WWOX: variants seen among roughly 807,000 people sequenced by gnomAD.
WWOX encodes the protein WW domain containing oxidoreductase.
WWOX carries 69 observed loss-of-function variants against 46.2 expected under a neutral mutation model. The ratio of observed to expected loss-of-function variants is 1.49; its 90% confidence interval spans 1.23 to 1.82. The LOEUF is 1.82. Ranked by LOEUF, WWOX falls within the 40% of genes most tolerant of loss-of-function variation. The pLI is 0.00. For synonymous variants in WWOX, 359 were observed against 202.6 expected, an observed-to-expected ratio of 1.77 and a Z score of -6.56; for missense variants, 919 against 542.6, an observed-to-expected ratio of 1.69 and a Z score of -6.89.
chr16:78,155,278 G>T (rs1399614914), intron 4 of WWOX, among the ~76,000 whole-genome samples: 1 of 151,832 alleles, frequency 6.6e-6, no homozygotes, highest in Non-Finnish European at 1.5e-5. Flanking sequence ...AAGGGAAAGG[G>T]AAGGAAGGAA....
rs149814498 is a variant in WWOX, at chr16:78,680,591, A to C, written c.1056+247839A>C. On this transcript the variant is annotated intron_variant, in intron 8 of 8. Coordinates refer to ENST00000566780, the MANE Select transcript of WWOX (RefSeq NM_016373.4). ...TCCAATACTTGAAGGTAGCCAGTGG[A>C]CACGTGGGGCCATTTCAAGCTAAAT... Among the ~76,000 whole-genome samples, 610 of 152,322 alleles carry C rather than the reference A, an allele frequency of 4.0e-3. 2 individuals carry two copies. The highest frequency in any genetic ancestry group is 0.014 in the African/African-American group (571 of 41,588).
At chr16:78,159,672 G>GTTTTTTTT (rs35468343) in intron 4 of WWOX, among the ~76,000 whole-genome samples, 350 of 55,242 alleles carry the variant, frequency 6.3e-3, no homozygotes, top group East Asian at 0.01. Flanking sequence ...AAAATCTGTG[G>GTTTTTTTT]TTTTTTTTTT....
intron 8 of WWOX, among the ~76,000 whole-genome samples, chr16:78,961,808 C>G (rs2046276163): frequency 6.6e-6 from 1 of 152,086 alleles, no homozygotes; most frequent in South Asian, 2.1e-4. Context: ...TCTTGCTGTC[C>G]TGAATCTTAA....
At chr16:78,455,580 C>G (rs1014458664) in intron 8 of WWOX, among the ~76,000 whole-genome samples, 4 of 130,548 alleles carry the variant, frequency 3.1e-5, no homozygotes, top group Admixed American at 2.7e-4. Context: ...GAGTAGGAGG[C>G]TGCAGTAAGC....
intron 6 of WWOX, among the ~76,000 whole-genome samples, chr16:78,414,641 G>A (rs184754471): frequency 6.6e-6 from 1 of 152,334 alleles, no homozygotes; most frequent in East Asian, 1.9e-4. Context: ...CAACAGTGAT[G>A]TTATCTGCAT....
chr16:78,569,405 A>G (rs2044658071), intron 8 of WWOX, among the ~76,000 whole-genome samples: 1 of 152,216 alleles, frequency 6.6e-6, no homozygotes, highest in Admixed American at 6.5e-5. Context: ...TGTATTATAC[A>G]TTTCAGTTGG....
At chr16:78,104,502 T>TA (rs1403796796) in intron 1 of WWOX, among the ~76,000 whole-genome samples, 3 of 151,354 alleles carry the variant, frequency 2.0e-5, no homozygotes, top group Non-Finnish European at 4.4e-5. Context: ...AGACCTTGTC[T>TA]AAAAAAAAAT....
chr16:78,189,523 A>T (rs931317597), intron 5 of WWOX, among the ~76,000 whole-genome samples: 1 of 152,264 alleles, frequency 6.6e-6, no homozygotes, highest in African/African-American at 2.4e-5. Context: ...AACCACACAG[A>T]GGGCATATAC....
intron 4 of WWOX, among the ~76,000 whole-genome samples, chr16:78,130,424 G>T (rs188789469): frequency 6.6e-6 from 1 of 152,280 alleles, no homozygotes; most frequent in East Asian, 1.9e-4. Flanking sequence ...CTTGACCTTG[G>T]ACTTTAAGCC....
chr16:78,737,070 C>T (rs930119537), intron 8 of WWOX, among the ~76,000 whole-genome samples: 1 of 151,684 alleles, frequency 6.6e-6, no homozygotes, highest in Non-Finnish European at 1.5e-5. Flanking sequence ...TTTGGTCGTT[C>T]CTTGCTCATC....
intron 7 of WWOX, 118 bp downstream of exon 7, chr16:78,425,173 C>T (rs2083047437): frequency 1.9e-5 from 25 of 1,332,996 alleles, no homozygotes. Context: ...TGTGGGTGGA[C>T]TCAGCTTGGC....
intron 8 of WWOX, among the ~76,000 whole-genome samples, chr16:78,971,596 C>T (rs2046471765): frequency 6.6e-6 from 1 of 151,884 alleles, no homozygotes; most frequent in Admixed American, 6.6e-5. Context: ...CCCAGAAGAG[C>T]ATAAGAAAAA....
At chr16:78,380,534 A>C (rs894816194) in intron 5 of WWOX, among the ~76,000 whole-genome samples, 3 of 151,982 alleles carry the variant, frequency 2.0e-5, no homozygotes, top group Non-Finnish European at 4.4e-5. Flanking sequence ...GAAGCACTGC[A>C]CTCTTTAAGG....
intron 8 of WWOX, among the ~76,000 whole-genome samples, chr16:78,813,333 C>T (rs148988074): frequency 6.6e-6 from 1 of 151,860 alleles, no homozygotes; most frequent in Non-Finnish European, 1.5e-5. Flanking sequence ...AAAAAACACT[C>T]AGAAATTTAA....
intron 5 of WWOX, among the ~76,000 whole-genome samples, chr16:78,296,407 G>A (rs1205787065): frequency 6.6e-6 from 1 of 151,806 alleles, no homozygotes; most frequent in East Asian, 1.9e-4. Flanking sequence ...TTCAGGAAGG[G>A]CTCAAAGGTA....
intron 8 of WWOX, among the ~76,000 whole-genome samples, chr16:78,986,448 T>TAA (rs1279688434): frequency 6.6e-6 from 1 of 152,350 alleles, no homozygotes; most frequent in Admixed American, 6.5e-5. Flanking sequence ...CACAGTATTC[T>TAA]AAGTAGGTTG....
chr16:79,211,290 C>CCAT (rs2150865977), intron 8 of WWOX, among the ~76,000 whole-genome samples: 2 of 152,242 alleles, frequency 1.3e-5, no homozygotes, highest in East Asian at 3.9e-4. Flanking sequence ...CAGAAGGATA[C>CCAT]CATCTTTTTC....
At chr16:79,197,651 G>T (rs2051266298) in intron 8 of WWOX, among the ~76,000 whole-genome samples, 1 of 152,140 alleles carries the variant, frequency 6.6e-6, no homozygotes, top group South Asian at 2.1e-4. Flanking sequence ...GGGCTTTTTT[G>T]ATCGCTTTAG....
At chr16:78,496,355 G>A (rs1482902976) in intron 8 of WWOX, 1 of 152,220 alleles carries the variant, frequency 6.6e-6, no homozygotes, top group Non-Finnish European at 1.5e-5. Context: ...GTGCCAAGTT[G>A]GCAGAGCATG....
Sources: allele counts gnomAD v4.1 joint callset (sites outside exome capture counted in the v4.1 genomes callset), GRCh38; gene constraint gnomAD v4.1.1; transcripts MANE v1.5; gene names NCBI Gene and HGNC (gene_info 2026-07-23, HGNC 2026-07-21).